Variants in RIT2 observed in about 807,000 individuals in gnomAD.
RIT2 encodes Ras like without CAAX 2, also known as GTP-binding protein Rit2.
Under a neutral mutation model 23.7 loss-of-function variants are expected in RIT2, and 24 were observed. The ratio of observed to expected loss-of-function variants is 1.01; its 90% confidence interval spans 0.73 to 1.43. The LOEUF is 1.43. Among genes scored for constraint, RIT2 ranks in the 40% most tolerant of loss-of-function variants. The probability of loss-of-function intolerance (pLI) is 0.00; values close to 1 mark genes in which losing one functional copy is unlikely to be tolerated. For missense variants in RIT2, 236 were observed against 266.9 expected, an observed-to-expected ratio of 0.88 and a Z score of 0.81; for synonymous variants, 107 against 91.1, an observed-to-expected ratio of 1.17 and a Z score of -0.99.
intron 1 of RIT2, among the ~76,000 whole-genome samples, chr18:43,108,174 C>CA (rs35014387): frequency 0.024 from 3,209 of 136,400 alleles, 43 homozygotes; most frequent in African/African-American, 0.036. Context: ...GACTCCATCT[C>CA]AAAAAAAAAA....
At chr18:42,983,603 T>C (rs145573057) in intron 2 of RIT2, among the ~76,000 whole-genome samples, 1 of 151,950 alleles carries the variant, frequency 6.6e-6, no homozygotes, top group Non-Finnish European at 1.5e-5. Context: ...ATCACATATT[T>C]GACAAAAAAC....
chr18:42,961,971 C>T (rs1485649914), intron 3 of RIT2, among the ~76,000 whole-genome samples: 4 of 152,182 alleles, frequency 2.6e-5, no homozygotes, highest in African/African-American at 7.2e-5. Flanking sequence ...TGTTTGGCTG[C>T]ATCTCACCTG....
chr18:42,763,402 C>T (rs900165206), intron 4 of RIT2, among the ~76,000 whole-genome samples: 1 of 149,436 alleles, frequency 6.7e-6, no homozygotes, highest in Admixed American at 6.7e-5. Flanking sequence ...ATGGAGCTTG[C>T]AGGGAGCCGA....
chr18:42,749,225 T>C (rs1199574494), intron 4 of RIT2, among the ~76,000 whole-genome samples: 1 of 151,894 alleles, frequency 6.6e-6, no homozygotes, highest in Non-Finnish European at 1.5e-5. Context: ...AAATAGTCAA[T>C]AGGTCAAAGA....
chr18:42,764,563 C>T (rs150895018), intron 4 of RIT2, among the ~76,000 whole-genome samples: 17 of 152,304 alleles, frequency 1.1e-4, no homozygotes, highest in African/African-American at 4.1e-4. Flanking sequence ...TTGAAGTGAG[C>T]CATTATCTTT....
At chr18:43,059,113 T>A (rs576900086) in intron 1 of RIT2, among the ~76,000 whole-genome samples, 22 of 152,008 alleles carry the variant, frequency 1.4e-4, no homozygotes, top group African/African-American at 5.1e-4. Context: ...ATTTTTTTTT[T>A]CCAAAGAGGA....
At chr18:42,934,023 G>GAAA (rs1353787470) in intron 3 of RIT2, among the ~76,000 whole-genome samples, 6 of 33,642 alleles carry the variant, frequency 1.8e-4, no homozygotes, top group East Asian at 8.9e-4. Flanking sequence ...TCTCACAGAA[G>GAAA]AAAAAAAAAA....
At chr18:43,046,905 C>T (rs1912261900) in intron 1 of RIT2, among the ~76,000 whole-genome samples, 1 of 152,032 alleles carries the variant, frequency 6.6e-6, no homozygotes, top group Admixed American at 6.6e-5. Context: ...AAAAATAATT[C>T]ACATAAACAA....
At chr18:43,089,269 C>T (rs533787834) in intron 1 of RIT2, among the ~76,000 whole-genome samples, 11 of 151,780 alleles carry the variant, frequency 7.2e-5, no homozygotes, top group South Asian at 2.1e-4. Context: ...AATCAATGTG[C>T]GAAAATCAAC....
intron 4 of RIT2, among the ~76,000 whole-genome samples, chr18:42,802,109 A>C (rs1410738822): frequency 1.3e-5 from 2 of 152,232 alleles, no homozygotes; most frequent in African/African-American, 4.8e-5. Flanking sequence ...AAAATATAGG[A>C]TATCATAGTC....
At chr18:43,060,811 G>A (rs866801614) in intron 1 of RIT2, among the ~76,000 whole-genome samples, 5 of 152,026 alleles carry the variant, frequency 3.3e-5, no homozygotes, top group South Asian at 2.1e-4. Flanking sequence ...AATCAAAATC[G>A]GCCCTTATTT....
At chr18:42,865,407 T>C (rs952300170) in intron 4 of RIT2, among the ~76,000 whole-genome samples, 1 of 152,188 alleles carries the variant, frequency 6.6e-6, no homozygotes, top group Non-Finnish European at 1.5e-5. Context: ...CCTGTGGCCT[T>C]CACATGGTAT....
chr18:42,814,384 A>T (rs1309833027), intron 4 of RIT2, among the ~76,000 whole-genome samples: 1 of 152,296 alleles, frequency 6.6e-6, no homozygotes, highest in East Asian at 1.9e-4. Context: ...GTGGGGGCAC[A>T]GTGGAAGTGA....
intron 2 of RIT2, among the ~76,000 whole-genome samples, chr18:42,989,146 C>A (rs1042428283): frequency 6.6e-6 from 1 of 152,096 alleles, no homozygotes; most frequent in Non-Finnish European, 1.5e-5. Flanking sequence ...TCTCTAAGAG[C>A]TGCAGAAACG....
At chr18:43,101,705 CCA>C (rs1455054115) in intron 1 of RIT2, among the ~76,000 whole-genome samples, 1 of 152,148 alleles carries the variant, frequency 6.6e-6, no homozygotes, top group Non-Finnish European at 1.5e-5. Context: ...GAATGGCAGA[CCA>C]CTTGTATTCC....
At chr18:43,062,541 A>C (rs1912672245) in intron 1 of RIT2, among the ~76,000 whole-genome samples, 1 of 152,192 alleles carries the variant, frequency 6.6e-6, no homozygotes, top group African/African-American at 2.4e-5. Context: ...ATAGTATTAA[A>C]TATGAATTCT....
intron 4 of RIT2, among the ~76,000 whole-genome samples, chr18:42,748,342 C>T (rs1231674308): frequency 6.6e-6 from 1 of 151,890 alleles, no homozygotes; most frequent in Non-Finnish European, 1.5e-5. Context: ...AAAAAATACT[C>T]AACATCAGTA....
intron 1 of RIT2, among the ~76,000 whole-genome samples, chr18:43,095,245 A>C (rs919872605): frequency 2.6e-5 from 4 of 151,990 alleles, no homozygotes; most frequent in Non-Finnish European, 4.4e-5. Flanking sequence ...CTTTTTAATG[A>C]TCATCATTCT....
intron 1 of RIT2, among the ~76,000 whole-genome samples, chr18:43,080,129 A>C (rs189865909): frequency 6.6e-6 from 1 of 152,320 alleles, no homozygotes; most frequent in East Asian, 1.9e-4. Context: ...TCTGGGTCTA[A>C]TAGACTTTCA....
Sources: allele counts gnomAD v4.1 joint callset (sites outside exome capture counted in the v4.1 genomes callset), GRCh38; gene constraint gnomAD v4.1.1; transcripts MANE v1.5; gene names NCBI Gene and HGNC (gene_info 2026-07-23, HGNC 2026-07-21).